The following FAM227B variants were observed in gnomAD, a reference collection of about 807,000 sequenced individuals.
FAM227B encodes the protein family with sequence similarity 227 member B.
FAM227B carries 88 observed loss-of-function variants against 73.8 expected under a neutral mutation model. That is an observed-to-expected ratio of 1.19 (90% CI 1.00 to 1.42). FAM227B has a LOEUF of 1.42. Ranked by LOEUF, FAM227B falls within the 40% of genes most tolerant of loss-of-function variation. The pLI is 0.00. For missense variants in FAM227B, 632 were observed against 590.9 expected (o/e 1.07, Z -0.72); for synonymous variants, 210 against 190.5 (o/e 1.10, Z -0.84).
chr15:49,333,088 A>G (rs1344375048), intron 14 of FAM227B, among the ~76,000 whole-genome samples: 1 of 152,084 alleles, frequency 6.6e-6, no homozygotes, highest in Non-Finnish European at 1.5e-5. Flanking sequence ...TCATCTCACT[A>G]AGTTAAAATC....
intron 11 of FAM227B, among the ~76,000 whole-genome samples, chr15:49,430,999 C>G (rs2050565905): frequency 6.6e-6 from 1 of 150,836 alleles, no homozygotes; most frequent in African/African-American, 2.4e-5. Context: ...TTCTAAGGAT[C>G]ATAGCTTTCT....
chr15:49,477,268 T>G (rs1187867345), intron 11 of FAM227B, among the ~76,000 whole-genome samples: 1 of 152,218 alleles, frequency 6.6e-6, no homozygotes, highest in Non-Finnish European at 1.5e-5. Flanking sequence ...ATATCATGTA[T>G]CCACTATTAC....
intron 3 of FAM227B, among the ~76,000 whole-genome samples, chr15:49,602,258 C>T (rs2077254754): frequency 6.6e-6 from 1 of 152,178 alleles, no homozygotes; most frequent in African/African-American, 2.4e-5. Context: ...TACATCCCCA[C>T]CAACAGTGTA....
At chr15:49,551,063 C>G (rs1363248073) in intron 9 of FAM227B, among the ~76,000 whole-genome samples, 7 of 152,358 alleles carry the variant, frequency 4.6e-5, no homozygotes, top group African/African-American at 1.7e-4. Context: ...GCGGATCACT[C>G]GCCGCTAGGA....
At chr15:49,465,076 C>T (rs1206736347) in intron 11 of FAM227B, among the ~76,000 whole-genome samples, 1 of 151,984 alleles carries the variant, frequency 6.6e-6, no homozygotes, top group Non-Finnish European at 1.5e-5. Context: ...TGGATAAGAA[C>T]AGAGGCTTGG....
chr15:49,521,968 G>A (rs1333401415), intron 10 of FAM227B, among the ~76,000 whole-genome samples: 1 of 152,026 alleles, frequency 6.6e-6, no homozygotes, highest in Non-Finnish European at 1.5e-5. Context: ...GGGTGATCTG[G>A]CTTCCAGTCT....
chr15:49,590,868 A>G (rs922842825), intron 3 of FAM227B, among the ~76,000 whole-genome samples: 2 of 151,780 alleles, frequency 1.3e-5, no homozygotes, highest in East Asian at 1.9e-4. Context: ...CTCTGCTCCT[A>G]TGAGTTCCAT....
chr15:49,365,644 A>T (rs961097237), intron 13 of FAM227B: 41 of 1,094,000 alleles, frequency 3.7e-5, no homozygotes, highest in Non-Finnish European at 5.5e-5. Flanking sequence ...ATAGAGGAGG[A>T]GAAGGCCTAG....
At chr15:49,494,993 T>C (rs1470651334) in intron 11 of FAM227B, among the ~76,000 whole-genome samples, 5 of 152,230 alleles carry the variant, frequency 3.3e-5, no homozygotes, top group Admixed American at 1.3e-4. Context: ...TATCACATTG[T>C]TTTATGCAAA....
chr15:49,578,337 A>G (rs1264291092), intron 5 of FAM227B, among the ~76,000 whole-genome samples: 1 of 152,196 alleles, frequency 6.6e-6, no homozygotes, highest in African/African-American at 2.4e-5. Flanking sequence ...TCCTTCTTTG[A>G]AAAGGAATTG....
At chr15:49,544,543 T>C (rs973144556) in intron 9 of FAM227B, among the ~76,000 whole-genome samples, 1 of 152,178 alleles carries the variant, frequency 6.6e-6, no homozygotes, top group Non-Finnish European at 1.5e-5. Context: ...GCCAGTATGT[T>C]AAATAGAAGT....
intron 1 of FAM227B, among the ~76,000 whole-genome samples, chr15:49,618,830 G>C (rs956059394): frequency 6.6e-6 from 1 of 152,184 alleles, no homozygotes; most frequent in Non-Finnish European, 1.5e-5. Flanking sequence ...TTGGTGAGAA[G>C]AATTGAGAAT....
chr15:49,461,901 G>A (rs1323713080), intron 11 of FAM227B, among the ~76,000 whole-genome samples: 1 of 152,202 alleles, frequency 6.6e-6, no homozygotes, highest in Non-Finnish European at 1.5e-5. Flanking sequence ...TTGCCCAGGG[G>A]CAGTGGCTCT....
chr15:49,549,028 A>G (rs1446851484), intron 9 of FAM227B, among the ~76,000 whole-genome samples: 1 of 151,340 alleles, frequency 6.6e-6, no homozygotes, highest in Non-Finnish European at 1.5e-5. Context: ...TTTATTATTT[A>G]TTTTCTTCTC....
intron 15 of FAM227B, 177 bp from the exon 16 acceptor site, chr15:49,328,852 T>TATAA: frequency 1.5e-6 from 2 of 1,359,232 alleles, no homozygotes; most frequent in East Asian, 2.6e-5. Context: ...CCATGTAATA[T>TATAA]ATAAATAACC....
intron 11 of FAM227B, among the ~76,000 whole-genome samples, chr15:49,498,228 A>G (rs1411560772): frequency 6.6e-6 from 1 of 152,192 alleles, no homozygotes; most frequent in African/African-American, 2.4e-5. Flanking sequence ...TGTGGCCAAA[A>G]TTTCTTGAAT....
chr15:49,602,198 T>C (rs867416519), intron 3 of FAM227B, among the ~76,000 whole-genome samples: 7 of 152,200 alleles, frequency 4.6e-5, no homozygotes, highest in Non-Finnish European at 7.4e-5. Flanking sequence ...GCTCTATCTT[T>C]AGATTTTTGA....
At chr15:49,356,059 C>A (rs1050926828) in intron 13 of FAM227B, among the ~76,000 whole-genome samples, 1 of 149,162 alleles carries the variant, frequency 6.7e-6, no homozygotes, top group Admixed American at 6.6e-5. Context: ...TTCTCACCAA[C>A]AGGCCTGCCT....
chr15:49,550,345 C>A (rs901318408), intron 9 of FAM227B, among the ~76,000 whole-genome samples: 6 of 149,576 alleles, frequency 4.0e-5, no homozygotes, highest in African/African-American at 7.3e-5. Flanking sequence ...CTGACCCCCC[C>A]ACCTCCCTCC....
Sources: gnomAD v4.1 joint callset for allele counts (sites outside exome capture counted in the v4.1 genomes callset) on GRCh38, gnomAD v4.1.1 for gene constraint, MANE v1.5 for transcripts, NCBI Gene and HGNC (gene_info 2026-07-23, HGNC 2026-07-21) for gene names.